Variants in CNTN5 observed in about 807,000 individuals in gnomAD.
CNTN5 encodes the protein contactin-5.
CNTN5 carries 77 observed loss-of-function variants against 129.1 expected under a neutral mutation model. That is an observed-to-expected ratio of 0.60 (90% CI 0.50 to 0.72). The LOEUF (loss-of-function observed/expected upper bound fraction) is 0.72. CNTN5 is among the 30% of genes least tolerant of loss of function. The pLI is 0.00. For synonymous variants in CNTN5, 509 were observed against 465.6 expected, an observed-to-expected ratio of 1.09 and a Z score of -1.20; for missense variants, 1,478 against 1,328.8, an observed-to-expected ratio of 1.11 and a Z score of -1.75.
intron 3 of CNTN5, among the ~76,000 whole-genome samples, chr11:99,587,678 A>G (rs940357233): frequency 1.3e-5 from 2 of 152,210 alleles, no homozygotes; most frequent in Admixed American, 6.5e-5. Flanking sequence ...TGCAAGTAGT[A>G]TAAAGATTTG....
chr11:100,353,209 C>A (rs1046312749), intron 24 of CNTN5, among the ~76,000 whole-genome samples: 1 of 151,500 alleles, frequency 6.6e-6, no homozygotes, highest in Non-Finnish European at 1.5e-5. Flanking sequence ...TTGGGCAGTG[C>A]AACCCACTTC....
At chr11:99,600,426 C>A (rs984893031) in intron 3 of CNTN5, among the ~76,000 whole-genome samples, 1 of 151,958 alleles carries the variant, frequency 6.6e-6, no homozygotes, top group African/African-American at 2.4e-5. Context: ...ATTATTTTAC[C>A]TCATGTTAAT....
In CNTN5 at chr11:99,473,993, A is replaced by G. The variant is rs112427578; in HGVS notation, c.-70-82152A>G. Among the ~76,000 whole-genome samples the G allele has an allele frequency of 9.8e-3, 1,493 of 152,156 alleles. 25 individuals are homozygous for G. Among genetic ancestry groups the G allele is most frequent in the African/African-American group, 0.034 (1,394 of 41,528 alleles). On this transcript the variant is annotated intron_variant, in intron 2 of 24. Transcript: ENST00000524871. ...CCAGGGCTACTACTTTTTACATAAA[A>G]TGGCTTTAAAAAACTACTAAGAATA...
At chr11:99,827,649 G>A (rs1947007570) in intron 4 of CNTN5, among the ~76,000 whole-genome samples, 1 of 152,158 alleles carries the variant, frequency 6.6e-6, no homozygotes. Context: ...GAGACAAAGT[G>A]TATATCTGTA....
intron 1 of CNTN5, among the ~76,000 whole-genome samples, chr11:99,234,178 A>G (rs1198566037): frequency 3.9e-5 from 6 of 152,188 alleles, no homozygotes; most frequent in Non-Finnish European, 8.8e-5. Context: ...TTTTTCATGT[A>G]GATTTACAAA....
intron 1 of CNTN5, among the ~76,000 whole-genome samples, chr11:99,237,944 G>A (rs73532956): frequency 0.017 from 2,571 of 152,138 alleles, 83 homozygotes; most frequent in African/African-American, 0.059. Context: ...TTTACTTTTT[G>A]TATTGTTCCT....
chr11:99,824,802 T>C (rs1343456392), intron 4 of CNTN5, among the ~76,000 whole-genome samples: 3 of 152,014 alleles, frequency 2.0e-5, no homozygotes, highest in Non-Finnish European at 4.4e-5. Flanking sequence ...TGGTATGTAT[T>C]AACCAATGTC....
intron 3 of CNTN5, among the ~76,000 whole-genome samples, chr11:99,618,069 C>G (rs768759924): frequency 1.1e-4 from 17 of 152,062 alleles, no homozygotes; most frequent in Non-Finnish European, 2.4e-4. Context: ...ATATTTTTAA[C>G]TATATTCAAG....
intron 4 of CNTN5, among the ~76,000 whole-genome samples, chr11:99,823,209 T>G (rs1398302569): frequency 2.6e-5 from 4 of 152,230 alleles, no homozygotes; most frequent in Non-Finnish European, 4.4e-5. Flanking sequence ...ATAATCTTTG[T>G]TCATTTTCTG....
intron 13 of CNTN5, among the ~76,000 whole-genome samples, chr11:100,131,010 G>A (rs757466380): frequency 3.3e-5 from 5 of 152,034 alleles, no homozygotes; most frequent in African/African-American, 7.2e-5. Context: ...AGATGGTAAC[G>A]GAGAGCAGGG....
chr11:99,701,591 G>A (rs528136196), intron 3 of CNTN5, among the ~76,000 whole-genome samples: 4 of 151,104 alleles, frequency 2.6e-5, no homozygotes, highest in African/African-American at 9.7e-5. Flanking sequence ...AATTGTATAT[G>A]TGTTATCCTA....
chr11:99,804,982 A>G (rs1469893218), intron 3 of CNTN5, among the ~76,000 whole-genome samples: 1 of 152,048 alleles, frequency 6.6e-6, no homozygotes, highest in African/African-American at 2.4e-5. Flanking sequence ...AAAACAAAAC[A>G]TGGCCTCATC....
At chr11:100,300,618 A>G (rs944386965) in intron 20 of CNTN5, among the ~76,000 whole-genome samples, 2 of 151,582 alleles carry the variant, frequency 1.3e-5, no homozygotes, top group East Asian at 1.9e-4. Flanking sequence ...TTTAAAAACA[A>G]AGATAATGTT....
At chr11:99,082,410 C>A (rs1366815564) in intron 1 of CNTN5, among the ~76,000 whole-genome samples, 1 of 152,128 alleles carries the variant, frequency 6.6e-6, no homozygotes, top group Non-Finnish European at 1.5e-5. Context: ...GTCTCGATCT[C>A]TTGACCTCGT....
chr11:99,326,932 C>T (rs1865809512), intron 2 of CNTN5, among the ~76,000 whole-genome samples: 1 of 152,072 alleles, frequency 6.6e-6, no homozygotes, highest in Non-Finnish European at 1.5e-5. Flanking sequence ...AGGTTACATA[C>T]ACAAAATAAT....
chr11:99,876,394 C>T (rs1010227623), intron 6 of CNTN5, among the ~76,000 whole-genome samples: 6 of 152,134 alleles, frequency 3.9e-5, no homozygotes, highest in Non-Finnish European at 1.5e-5. Context: ...CCCAGGCTCC[C>T]CTCATTGGTT....
intron 1 of CNTN5, among the ~76,000 whole-genome samples, chr11:99,284,488 G>C (rs1863835112): frequency 6.6e-6 from 1 of 151,918 alleles, no homozygotes; most frequent in Admixed American, 6.6e-5. Context: ...TACCTTACCT[G>C]TGACATATTT....
intron 8 of CNTN5, among the ~76,000 whole-genome samples, chr11:99,971,861 A>C (rs1385263764): frequency 6.6e-6 from 1 of 151,440 alleles, no homozygotes; most frequent in African/African-American, 2.4e-5. Flanking sequence ...AAAAGATTTT[A>C]AAAGTCTGCA....
intron 9 of CNTN5, among the ~76,000 whole-genome samples, chr11:100,002,613 G>A (rs1939945105): frequency 6.6e-6 from 1 of 152,048 alleles, no homozygotes; most frequent in Non-Finnish European, 1.5e-5. Context: ...TAACTTAATA[G>A]CACCAGCTGT....
Sources: gnomAD v4.1 joint callset for allele counts (sites outside exome capture counted in the v4.1 genomes callset) on GRCh38, gnomAD v4.1.1 for gene constraint, MANE v1.5 for transcripts, NCBI Gene and HGNC (gene_info 2026-07-23, HGNC 2026-07-21) for gene names.